The following CTNNA3 variants were observed in gnomAD, a reference collection of about 807,000 sequenced individuals.
CTNNA3 encodes catenin alpha 3, also known as catenin alpha-3.
In CTNNA3, 76 loss-of-function variants were observed where a neutral mutation model predicts 95.7. The observed-to-expected ratio is 0.79, with a 90% CI of 0.66 to 0.96. CTNNA3 has a LOEUF of 0.96. Among genes scored for constraint, CTNNA3 ranks in the 40% least tolerant of loss-of-function variants. The probability of loss-of-function intolerance (pLI) is 0.00; values close to 1 mark genes in which losing one functional copy is unlikely to be tolerated. For missense variants in CTNNA3, 1,191 were observed against 1,089.8 expected, an observed-to-expected ratio of 1.09 and a Z score of -1.31; for synonymous variants, 431 against 374.4, an observed-to-expected ratio of 1.15 and a Z score of -1.74.
At chr10:67,237,126 GTATATATATATATATATATATATA>G (rs59511861) in intron 5 of CTNNA3, among the ~76,000 whole-genome samples, 1 of 39,876 alleles carries the variant, frequency 2.5e-5, no homozygotes, top group South Asian at 9.3e-4. Context: ...TATGGTGTAT[GTATATATATATATATATATATATA>G]TATATATATA....
chr10:66,046,342 C>A (rs1324712280), intron 15 of CTNNA3, among the ~76,000 whole-genome samples: 1 of 152,156 alleles, frequency 6.6e-6, no homozygotes, highest in Non-Finnish European at 1.5e-5. Context: ...GCTGCTCAGC[C>A]ATATGTGGAG....
At chr10:66,696,046 A>G (rs966867661) in intron 9 of CTNNA3, among the ~76,000 whole-genome samples, 1 of 152,156 alleles carries the variant, frequency 6.6e-6, no homozygotes, top group Non-Finnish European at 1.5e-5. Context: ...TACATAAAGT[A>G]TGGGCACCTC....
intron 15 of CTNNA3, among the ~76,000 whole-genome samples, chr10:66,063,319 T>A (rs79268566): frequency 0.034 from 4,578 of 134,616 alleles, 97 homozygotes; most frequent in Admixed American, 0.067. Flanking sequence ...TATATATATA[T>A]AATATATATA....
intron 7 of CTNNA3, among the ~76,000 whole-genome samples, chr10:67,024,780 T>G (rs952617914): frequency 6.6e-6 from 1 of 152,184 alleles, no homozygotes; most frequent in South Asian, 2.1e-4. Context: ...GATGTTGCTT[T>G]AAATATTTTA....
At chr10:67,358,661 C>T (rs1240587515) in intron 5 of CTNNA3, among the ~76,000 whole-genome samples, 3 of 152,004 alleles carry the variant, frequency 2.0e-5, no homozygotes, top group Admixed American at 6.6e-5. Flanking sequence ...ATCAACAGAC[C>T]ACCCATAGAC....
At chr10:66,097,691 A>G (rs1026182579) in intron 14 of CTNNA3, among the ~76,000 whole-genome samples, 1 of 152,154 alleles carries the variant, frequency 6.6e-6, no homozygotes, top group Non-Finnish European at 1.5e-5. Context: ...AATCAATTTT[A>G]TGAAGAGCCT....
At chr10:66,552,380 G>A (rs1306048901) in intron 10 of CTNNA3, among the ~76,000 whole-genome samples, 1 of 152,058 alleles carries the variant, frequency 6.6e-6, no homozygotes, top group Non-Finnish European at 1.5e-5. Context: ...GCCCACTTTG[G>A]GGAGCAATCC....
intron 13 of CTNNA3, among the ~76,000 whole-genome samples, chr10:66,129,281 C>CA (rs1242707982): frequency 1.3e-5 from 2 of 152,002 alleles, no homozygotes; most frequent in African/African-American, 4.8e-5. Flanking sequence ...CAAAAACAAA[C>CA]AAAAAACTTC....
At chr10:65,976,922 G>C (rs2078218068) in intron 16 of CTNNA3, among the ~76,000 whole-genome samples, 1 of 151,872 alleles carries the variant, frequency 6.6e-6, no homozygotes, top group African/African-American at 2.4e-5. Context: ...ACCATAGGTT[G>C]TCTTTTAATT....
At chr10:67,609,296 G>C (rs1349203956) in intron 2 of CTNNA3, among the ~76,000 whole-genome samples, 3 of 152,116 alleles carry the variant, frequency 2.0e-5, no homozygotes, top group Non-Finnish European at 4.4e-5. Flanking sequence ...TCATGAAACA[G>C]TGGAGGCTCA....
intron 17 of CTNNA3, among the ~76,000 whole-genome samples, chr10:65,959,999 A>G (rs867760852): frequency 6.6e-6 from 1 of 152,090 alleles, no homozygotes; most frequent in African/African-American, 2.4e-5. Context: ...AACTTAGCTT[A>G]TTTTCTCTTC....
chr10:67,602,192 T>A (rs78269108), intron 3 of CTNNA3, among the ~76,000 whole-genome samples: 4 of 147,040 alleles, frequency 2.7e-5, no homozygotes, highest in Non-Finnish European at 1.5e-5. Flanking sequence ...CAAATACCTT[T>A]AAAAAAAAAA....
intron 7 of CTNNA3, among the ~76,000 whole-genome samples, chr10:66,899,934 CA>C (rs1247653338): frequency 1.3e-5 from 2 of 152,184 alleles, no homozygotes; most frequent in Non-Finnish European, 2.9e-5. Flanking sequence ...CATAGCTCAA[CA>C]AAAGGCAGCA....
At chr10:66,841,253 G>C (rs1011585384) in intron 7 of CTNNA3, among the ~76,000 whole-genome samples, 1 of 151,826 alleles carries the variant, frequency 6.6e-6, no homozygotes, top group Non-Finnish European at 1.5e-5. Flanking sequence ...TGTAACTGCA[G>C]TATATGTAGG....
At chr10:66,639,094 A>G (rs1222755107) in intron 9 of CTNNA3, among the ~76,000 whole-genome samples, 1 of 152,176 alleles carries the variant, frequency 6.6e-6, no homozygotes, top group Non-Finnish European at 1.5e-5. Flanking sequence ...TAGTAAATTG[A>G]ATAGAATATT....
intron 1 of CTNNA3, among the ~76,000 whole-genome samples, chr10:67,681,212 C>T (rs1469124377): frequency 2.6e-5 from 4 of 152,068 alleles, no homozygotes; most frequent in Non-Finnish European, 4.4e-5. Context: ...GTGATTACAT[C>T]TAGGAAAATC....
At chr10:67,468,271 G>A (rs1847678624) in intron 5 of CTNNA3, among the ~76,000 whole-genome samples, 1 of 151,854 alleles carries the variant, frequency 6.6e-6, no homozygotes, top group Non-Finnish European at 1.5e-5. Context: ...GTTTATGCCT[G>A]TAGTCCCAGC....
intron 7 of CTNNA3, among the ~76,000 whole-genome samples, chr10:66,780,322 T>C (rs543970317): frequency 1.3e-5 from 2 of 152,164 alleles, no homozygotes; most frequent in African/African-American, 4.8e-5. Context: ...GTCACAGTAA[T>C]AGTCCACAGA....
chr10:66,362,277 T>C (rs2092681910), intron 12 of CTNNA3, among the ~76,000 whole-genome samples: 1 of 151,620 alleles, frequency 6.6e-6, no homozygotes, highest in Non-Finnish European at 1.5e-5. Flanking sequence ...TAAATTGTTG[T>C]ATTTTAGTAG....
Sources: allele counts gnomAD v4.1 joint callset (sites outside exome capture counted in the v4.1 genomes callset), GRCh38; gene constraint gnomAD v4.1.1; transcripts MANE v1.5; gene names NCBI Gene and HGNC (gene_info 2026-07-23, HGNC 2026-07-21).